The following LOXL2 variants were observed in gnomAD, a reference collection of about 807,000 sequenced individuals.
The protein encoded by LOXL2 is lysyl oxidase like 2.
In LOXL2, 70 loss-of-function variants were observed where a neutral mutation model predicts 93.0. The observed-to-expected ratio is 0.75, with a 90% confidence interval of 0.62 to 0.92. LOXL2 has a LOEUF of 0.92. Among genes scored for constraint, LOXL2 ranks in the 40% least tolerant of loss-of-function variants. The pLI is 0.00. For missense variants in LOXL2, 973 were observed against 1,054.9 expected, an observed-to-expected ratio of 0.92 and a Z score of 1.08; for synonymous variants, 438 against 413.2, an observed-to-expected ratio of 1.06 and a Z score of -0.73.
intron 6 of LOXL2, among the ~76,000 whole-genome samples, chr8:23,322,526 G>A (rs4871864): frequency 0.73 from 110,343 of 152,066 alleles, 40,181 homozygotes; most frequent in Non-Finnish European, 0.76. Flanking sequence ...GACCTTGGCC[G>A]ATCACTCAGC....
chr8:23,338,514 T>G (rs957777090), intron 4 of LOXL2, among the ~76,000 whole-genome samples: 46 of 152,184 alleles, frequency 3.0e-4, no homozygotes, highest in Non-Finnish European at 5.3e-4. Context: ...ACATGGAGAT[T>G]ACTAACTCCA....
Position 23,303,425 on chromosome 8 carries a change from G to A in LOXL2, c.1881-28C>T, listed in dbSNP as rs772742356. On this transcript the variant is annotated intron_variant, in intron 10 of 13. Transcript: ENST00000389131. ...GGAGCGAGAGAGAGATGGCCTGGAG[G>A]TCAGTTTCTGGAGCAACTGCTGCTT... is the stretch of plus-strand genomic sequence containing the variant. 7 of 1,368,570 alleles carry A rather than the reference G, an allele frequency of 5.1e-6. No homozygotes were observed. The Admixed American group carries it at 6.7e-5, about 13-fold the overall frequency. 84.8% of individuals were successfully genotyped at this position (1,368,570 alleles called of 1,614,324 possible).
chr8:23,360,904 T>G (rs9644071), intron 2 of LOXL2, among the ~76,000 whole-genome samples: 1 of 151,738 alleles, frequency 6.6e-6, no homozygotes, highest in Non-Finnish European at 1.5e-5. Flanking sequence ...GTTTTTTTTG[T>G]TTTTTGTTTT....
At chr8:23,323,930 G>A (rs1053584614) in intron 6 of LOXL2, among the ~76,000 whole-genome samples, 2 of 152,176 alleles carry the variant, frequency 1.3e-5, no homozygotes, top group East Asian at 3.9e-4. Flanking sequence ...TCGATCTCTT[G>A]ACCTTGTGAT....
At chr8:23,368,498 C>A in intron 1 of LOXL2, 64 bp from the exon 2 acceptor site, 1 of 669,920 alleles carries the variant, frequency 1.5e-6, no homozygotes, top group East Asian at 2.7e-5. Context: ...CATAGAGAAC[C>A]AGCGATTTCA....
chr8:23,362,136 A>C (rs1804304813), intron 2 of LOXL2, among the ~76,000 whole-genome samples: 3 of 152,242 alleles, frequency 2.0e-5, no homozygotes, highest in Admixed American at 6.5e-5. Context: ...AATGTGGTCT[A>C]TCCATACGAT....
At position 23,329,585 on chromosome 8, in the gene LOXL2, G is replaced by A. The variant is rs1217470629; in HGVS notation, c.967-1020C>T. Among the ~76,000 whole-genome samples the A allele has an allele frequency of 3.9e-5, 6 of 152,228 alleles. No homozygotes were observed. In the South Asian group the frequency reaches 1.0e-3, roughly 26 times the overall value. ...ACCTGCATGCATGCTGCATGTATGC[G>A]TGTGTGTGTTTTGGAGGAGGCTCAG... On this transcript the variant is annotated intron_variant, in intron 5 of 13. Transcript: ENST00000389131.
At chr8:23,401,440 A>C (rs1458152304) in intron 1 of LOXL2, among the ~76,000 whole-genome samples, 3 of 152,190 alleles carry the variant, frequency 2.0e-5, no homozygotes, top group Admixed American at 1.3e-4. Flanking sequence ...TAGTTATGTA[A>C]AATCTTTAGA....
chr8:23,326,102 G>A (rs1803572979), intron 6 of LOXL2, among the ~76,000 whole-genome samples: 2 of 152,236 alleles, frequency 1.3e-5, no homozygotes, highest in South Asian at 4.1e-4. Flanking sequence ...CCAGGGCTGA[G>A]GGGCTGACCC....
intron 1 of LOXL2, chr8:23,385,904 C>G: frequency 1.3e-6 from 1 of 764,102 alleles, no homozygotes. Flanking sequence ...AAATCCAGCA[C>G]GTACTTTGCG....
rs137898341 is a variant in LOXL2, at chr8:23,332,049, AG to A, written c.966+1351del. The A allele has an allele frequency of 8.1e-3, 1,148 of 140,876 alleles. 70 individuals carry two copies. The East Asian group carries it at 0.14, about 18-fold the overall frequency. The allele number at this position is 140,876 out of a possible 1,614,324, so 8.7% of individuals were successfully genotyped here. A position where few individuals can be genotyped will look rare whatever the true frequency, so the allele number is the denominator to read the frequency against. On this transcript the variant is annotated intron_variant, in intron 5 of 13. Coordinates refer to ENST00000389131, the MANE Select transcript of LOXL2 (RefSeq NM_002318.3). ...AAACTCTGTCTCAAAAAAAAAAAAA[AG>A]AAGAAGAAGAAGAAAAGAAAAGAAA... is the stretch of plus-strand genomic sequence containing the variant.
chr8:23,393,973 AACAG>A (rs1418422165), intron 1 of LOXL2, among the ~76,000 whole-genome samples: 10 of 152,244 alleles, frequency 6.6e-5, no homozygotes, highest in Admixed American at 6.5e-4. Context: ...CTGGAAAGAA[AACAG>A]ACACTGTCAA....
chr8:23,383,646 GTTTTTTTTTTGTTTT>G (rs1342150601), intron 1 of LOXL2, among the ~76,000 whole-genome samples: 20 of 117,640 alleles, frequency 1.7e-4, no homozygotes, highest in African/African-American at 4.9e-4. Context: ...GCACTTTTAC[GTTTTTTTTTTGTTTT>G]TTTTTTTTTT....
At position 23,366,632 on chromosome 8, in the gene LOXL2, A is replaced by AT. The variant is rs1804405963; in HGVS notation, c.355+1364dup. 2.0e-5 allele frequency among the ~76,000 whole-genome samples: 3 copies of AT among 152,308 alleles called. No homozygotes were observed. In the South Asian group the frequency reaches 6.2e-4, roughly 32 times the overall value. On this transcript the variant is annotated intron_variant, in intron 2 of 13. Coordinates refer to ENST00000389131, the MANE Select transcript of LOXL2 (RefSeq NM_002318.3). Reference sequence around the variant, plus strand: ...CTGTACTTTTAAGCTCCCTTGGGCGATTCTTACGCAGTCAGCATGGCATTA... The same window carrying AT: ...CTGTACTTTTAAGCTCCCTTGGGCGATTTCTTACGCAGTCAGCATGGCATTA...
chr8:23,361,477 T>C (rs1423252828), intron 2 of LOXL2, among the ~76,000 whole-genome samples: 2 of 152,148 alleles, frequency 1.3e-5, no homozygotes, highest in African/African-American at 4.8e-5. Flanking sequence ...AGTAGAGAAT[T>C]CAGCGTGCAA....
rs1437631615 is a variant in LOXL2 at position 23,302,033 on chromosome 8, C to G, written c.2127G>C (p.Leu709=). 3 of 1,613,982 alleles carry G rather than the reference C, an allele frequency of 1.9e-6. No homozygotes were observed. Among genetic ancestry groups the G allele is most frequent in the African/African-American group, 1.3e-5 (1 of 74,922 alleles). The change falls in exon 12 of 14, where the codon CTG becomes CTC. Residue 709 remains leucine (L), a synonymous_variant. Coordinates refer to ENST00000389131, the MANE Select transcript of LOXL2 (RefSeq NM_002318.3). ...DITDVPPGDY[L]FQVVINPNFE... Reference sequence around the variant, plus strand: ...CCCTTCCCACCCACCTCACCTGGAACAGGTAGTCTCCAGGGGGCACGTCAG... The same window carrying G: ...CCCTTCCCACCCACCTCACCTGGAAGAGGTAGTCTCCAGGGGGCACGTCAG...
chr8:23,381,684 A>C (rs1300320726), intron 1 of LOXL2, among the ~76,000 whole-genome samples: 1 of 151,866 alleles, frequency 6.6e-6, no homozygotes, highest in Non-Finnish European at 1.5e-5. Context: ...GTTGCTTTGT[A>C]AGATTCATTT....
intron 3 of LOXL2, among the ~76,000 whole-genome samples, chr8:23,345,089 C>G (rs1160805269): frequency 6.6e-6 from 1 of 152,220 alleles, no homozygotes; most frequent in African/African-American, 2.4e-5. Context: ...ATTCAATCCC[C>G]ATGGCAGCTT....
rs1028009939 is a variant in LOXL2 at position 23,298,912 on chromosome 8, G to A, written c.2169C>T (p.Ser723=). The A allele has an allele frequency of 3.7e-6, 6 of 1,613,780 alleles. No individual in the cohort carries two copies. Among genetic ancestry groups the A allele is most frequent in the Admixed American group, 1.7e-5 (1 of 60,028 alleles). ...VINPNFEVAE[S]DYSNNIMKCR... ...ATTTCATGATGTTGTTGGAGTAATC[G>A]GATTCTGCAACCTCGAAGTTGGGGT... Residue 723 remains serine, a synonymous_variant, in exon 13 of 14, where the codon TCC becomes TCT. Transcript: ENST00000389131.
Sources: gnomAD v4.1 joint callset for allele counts (sites outside exome capture counted in the v4.1 genomes callset) on GRCh38, gnomAD v4.1.1 for gene constraint, MANE v1.5 for transcripts, NCBI Gene and HGNC (gene_info 2026-07-23, HGNC 2026-07-21) for gene names.